Variants in CD58 observed in about 807,000 individuals in gnomAD.
The protein encoded by CD58 is CD58 molecule, also known as lymphocyte function-associated antigen 3.
In CD58, 14 loss-of-function variants were observed where a neutral mutation model predicts 27.6. That is an observed-to-expected ratio of 0.51 (90% CI 0.34 to 0.79). The LOEUF is 0.79. CD58 is among the 30% of genes least tolerant of loss of function. CD58 has a pLI of 0.02. For missense variants in CD58, 268 were observed against 301.7 expected, an observed-to-expected ratio of 0.89 and a Z score of 0.83; for synonymous variants, 117 against 103.8, an observed-to-expected ratio of 1.13 and a Z score of -0.77.
intron 3 of CD58, among the ~76,000 whole-genome samples, chr1:116,529,517 G>T (rs1657529766): frequency 6.6e-6 from 1 of 152,166 alleles, no homozygotes; most frequent in African/African-American, 2.4e-5. Context: ...TCCCAGTACA[G>T]TGGGGAAGAC....
At position 116,521,980 on chromosome 1, in the gene CD58, T is replaced by C; in HGVS notation, c.632A>G (p.His211Arg). 1.3e-6 allele frequency: 2 copies of C among 1,544,706 alleles called. No homozygotes were observed. The highest frequency in any genetic ancestry group is 1.8e-6 in the Non-Finnish European group (2 of 1,124,334). The change falls in exon 4 of 6, where the codon CAT becomes CGT. Residue 211 changes from histidine (H) to arginine (R), a missense_variant. By Grantham distance (29) the His-to-Arg change is conservative (BLOSUM62 0). Coordinates refer to ENST00000369489, the MANE Select transcript of CD58 (RefSeq NM_001779.3). The surrounding 1 kb of genome is among the most constrained non-coding windows in gnomAD (Gnocchi z 5.6). ...TATAAGTGCATATCTGTGTCTTGAA[T>C]GACCTATAAAAAAGAAAAGAAAAGA... ...ILTTCIPSSG[H>R]SRHRYALIPI... is the part of the protein sequence containing the mutation.
intron 1 of CD58, among the ~76,000 whole-genome samples, chr1:116,553,010 G>A (rs1658441598): frequency 6.6e-6 from 1 of 151,476 alleles, no homozygotes; most frequent in Non-Finnish European, 1.5e-5. Flanking sequence ...TTTTTTTTAT[G>A]TTTAATTTTT....
rs1472205731 is a variant in CD58 at position 116,570,633 on chromosome 1, G to A, written c.70+270C>T. ...CTCGGGAGGGGGCCGGCGGGGGGGC[G>A]CAGGCCCCGCAGGAGAGGCTAGCGG... On this transcript the variant is annotated intron_variant, in intron 1 of 5. Coordinates refer to ENST00000369489, the MANE Select transcript of CD58 (RefSeq NM_001779.3). This position sits in a 1 kb window ranked among gnomAD's most constrained non-coding sequence, Gnocchi z 6.4. 6.6e-6 allele frequency among the ~76,000 whole-genome samples: 1 copy of A among 152,030 alleles called. No homozygotes were observed. Among genetic ancestry groups the A allele is most frequent in the Non-Finnish European group, 1.5e-5 (1 of 67,974 alleles).
At chr1:116,543,615 C>G (rs1000426038) in intron 2 of CD58, among the ~76,000 whole-genome samples, 1 of 152,094 alleles carries the variant, frequency 6.6e-6, no homozygotes, top group Non-Finnish European at 1.5e-5. Context: ...TCCCCTCTCT[C>G]TAGTTTCAGT....
rs1374558088 is a variant in CD58 at position 116,550,300 on chromosome 1, A to G, written c.71-5696T>C. 6.6e-6 allele frequency among the ~76,000 whole-genome samples: 1 copy of G among 152,186 alleles called. No homozygotes were observed. The highest frequency in any genetic ancestry group is 6.5e-5 in the Admixed American group (1 of 15,288). On this transcript the variant is annotated intron_variant, in intron 1 of 5. Transcript: ENST00000369489. The surrounding 1 kb of genome is among the most constrained non-coding windows in gnomAD (Gnocchi z 4.2). ...AAAACTGCTTTCAAAATTAGAGTAAATTTTCTCAAATCCTGCTGCTGCTTT... is the reference window on the plus strand; with the variant it reads ...AAAACTGCTTTCAAAATTAGAGTAAGTTTTCTCAAATCCTGCTGCTGCTTT...
rs917083528 is a variant in CD58, at chr1:116,536,989, C to A, written c.365-761G>T. Among the ~76,000 whole-genome samples, 1 of 152,228 alleles carries A rather than the reference C, an allele frequency of 6.6e-6. No individual in the cohort carries two copies. The highest frequency in any genetic ancestry group is 2.4e-5 in the African/African-American group (1 of 41,458). ...TCCTGTGCTTGGCAGGACACAGTGGCTCATGGCTATACTCCCAGCACTTTG... is the reference window on the plus strand; with the variant it reads ...TCCTGTGCTTGGCAGGACACAGTGGATCATGGCTATACTCCCAGCACTTTG... On this transcript the variant is annotated intron_variant, in intron 2 of 5. Coordinates refer to ENST00000369489, the MANE Select transcript of CD58 (RefSeq NM_001779.3). The surrounding 1 kb of genome is among the most constrained non-coding windows in gnomAD (Gnocchi z 5.4).
intron 1 of CD58, among the ~76,000 whole-genome samples, chr1:116,561,259 C>T (rs1435747977): frequency 6.6e-6 from 1 of 152,126 alleles, no homozygotes; most frequent in South Asian, 2.1e-4. Context: ...AACAAAAAAA[C>T]ATAGCAACGA....
At position 116,532,908 on chromosome 1, in the gene CD58, C is replaced by A; in HGVS notation, c.628+3057G>T. ...GCTACAGGCCCGGAGTCGCGACAGC[C>A]GGTCTGCCAGGCGCCCACCTCCACT... On this transcript the variant is annotated intron_variant, in intron 3 of 5. Transcript: ENST00000369489. The surrounding 1 kb of genome is among the most constrained non-coding windows in gnomAD (Gnocchi z 5.1). 1 of 1,009,436 alleles carries A rather than the reference C, an allele frequency of 9.9e-7. No homozygotes were observed. The allele number at this position is 1,009,436 out of a possible 1,614,324, so 62.5% of individuals were successfully genotyped here. A position where few individuals can be genotyped will look rare whatever the true frequency, so the allele number is the denominator to read the frequency against.
intron 1 of CD58, among the ~76,000 whole-genome samples, chr1:116,564,684 A>G (rs1186650698): frequency 6.6e-6 from 1 of 152,208 alleles, no homozygotes; most frequent in Non-Finnish European, 1.5e-5. Context: ...ACTATCTGAG[A>G]ACAGTATGGG....
At position 116,570,081 on chromosome 1, in the gene CD58, G is replaced by A. The variant is rs1343174151; in HGVS notation, c.70+822C>T. Among the ~76,000 whole-genome samples the A allele has an allele frequency of 1.3e-5, 2 of 152,230 alleles. No individual in the cohort carries two copies. Among genetic ancestry groups the A allele is most frequent in the Non-Finnish European group, 2.9e-5 (2 of 68,044 alleles). On this transcript the variant is annotated intron_variant, in intron 1 of 5. Transcript: ENST00000369489. This position sits in a 1 kb window ranked among gnomAD's most constrained non-coding sequence, Gnocchi z 6.4. Reference sequence around the variant, plus strand: ...AGTGGGGTGCAGGAGCCAGCCATGAGAACCCCTCAAGTACAGTTGAACTCG... The same window carrying A: ...AGTGGGGTGCAGGAGCCAGCCATGAAAACCCCTCAAGTACAGTTGAACTCG...
Position 116,546,334 on chromosome 1 carries a change from T to C in CD58, c.71-1730A>G, listed in dbSNP as rs180990452. ...AGACAACTGTGTTAGTAATTTCAGA[T>C]AAGAAGCAAATATCACCCATTTGTT... On this transcript the variant is annotated intron_variant, in intron 1 of 5. Coordinates refer to ENST00000369489, the MANE Select transcript of CD58 (RefSeq NM_001779.3). This position sits in a 1 kb window ranked among gnomAD's most constrained non-coding sequence, Gnocchi z 4.1. Among the ~76,000 whole-genome samples the C allele has an allele frequency of 5.4e-4, 83 of 152,344 alleles. No individual in the cohort carries two copies. The highest frequency in any genetic ancestry group is 1.6e-3 in the Admixed American group (25 of 15,308).
In CD58 at chr1:116,524,319, C is replaced by A. The variant is rs1657362073; in HGVS notation, c.629-2336G>T. 6.6e-6 allele frequency among the ~76,000 whole-genome samples: 1 copy of A among 152,152 alleles called. No homozygotes were observed. The highest frequency in any genetic ancestry group is 1.5e-5 in the Non-Finnish European group (1 of 68,024). ...GGGTGCTGAAACTGGGAAGTCTGGG[C>A]ACACCAGGTAACACTGGTCACTCAA... On this transcript the variant is annotated intron_variant, in intron 3 of 5. Transcript: ENST00000369489. This position sits in a 1 kb window ranked among gnomAD's most constrained non-coding sequence, Gnocchi z 4.6.
At chr1:116,555,465 GA>G (rs768101032) in intron 1 of CD58, among the ~76,000 whole-genome samples, 1 of 152,156 alleles carries the variant, frequency 6.6e-6, no homozygotes, top group Non-Finnish European at 1.5e-5. Context: ...AGCAAAGAGA[GA>G]TGGAGGGAGG....
At chr1:116,558,488 A>G (rs1658653049) in intron 1 of CD58, among the ~76,000 whole-genome samples, 1 of 152,214 alleles carries the variant, frequency 6.6e-6, no homozygotes, top group Non-Finnish European at 1.5e-5. Flanking sequence ...CTACACACCC[A>G]TATATGCATT....
rs9970964 is a variant in CD58, at chr1:116,549,054, C to T, written c.71-4450G>A. Among the ~76,000 whole-genome samples, 453 of 152,322 alleles carry T rather than the reference C, an allele frequency of 3.0e-3. 2 individuals are homozygous for T. Among genetic ancestry groups the T allele is most frequent in the African/African-American group, 0.01 (435 of 41,560 alleles). On this transcript the variant is annotated intron_variant, in intron 1 of 5. Transcript: ENST00000369489. Reference sequence around the variant, plus strand: ...CTCCTTGGTCAGTGCCCTTTCAGAACAGCGTGGTCCCACATTCAGGATGGG... The same window carrying T: ...CTCCTTGGTCAGTGCCCTTTCAGAATAGCGTGGTCCCACATTCAGGATGGG...
rs1657076376 is a variant in CD58 at position 116,516,069 on chromosome 1, G to T, written c.744-1247C>A. Among the ~76,000 whole-genome samples, 1 of 151,724 alleles carries T rather than the reference G, an allele frequency of 6.6e-6. No homozygotes were observed. The highest frequency in any genetic ancestry group is 2.4e-5 in the African/African-American group (1 of 41,256). On this transcript the variant is annotated intron_variant, in intron 5 of 5. Transcript: ENST00000369489. This position sits in a 1 kb window ranked among gnomAD's most constrained non-coding sequence, Gnocchi z 6.1. ...TTTAATTTAACTTAATTTTTTTGAT[G>T]CCCAGGCTGGTCTCTTAACTCCTGG...
rs976542403 is a variant in CD58 at position 116,546,648 on chromosome 1, G to A, written c.71-2044C>T. Reference sequence around the variant, plus strand: ...ATAAACTGCCATACCCTGGCGGCATGAAGATGTCTTTTGTCTTTCCCAGGG... The same window carrying A: ...ATAAACTGCCATACCCTGGCGGCATAAAGATGTCTTTTGTCTTTCCCAGGG... On this transcript the variant is annotated intron_variant, in intron 1 of 5. Transcript: ENST00000369489. The surrounding 1 kb of genome is among the most constrained non-coding windows in gnomAD (Gnocchi z 4.1). Among the ~76,000 whole-genome samples, 3 of 152,222 alleles carry A rather than the reference G, an allele frequency of 2.0e-5. No homozygotes were observed. Among genetic ancestry groups the A allele is most frequent in the African/African-American group, 7.2e-5 (3 of 41,450 alleles).
chr1:116,554,003 T>C (rs949943272), intron 1 of CD58, among the ~76,000 whole-genome samples: 1 of 152,164 alleles, frequency 6.6e-6, no homozygotes, highest in Non-Finnish European at 1.5e-5. Flanking sequence ...AGGAAAAAGA[T>C]GGAAGAAAAT....
At chr1:116,542,291 G>A (rs539094522) in intron 2 of CD58, among the ~76,000 whole-genome samples, 3 of 152,266 alleles carry the variant, frequency 2.0e-5, no homozygotes, top group South Asian at 2.1e-4. Context: ...GGAAAAAAGA[G>A]AAAGAAACAT....
Sources: gnomAD v4.1 joint callset for allele counts (sites outside exome capture counted in the v4.1 genomes callset) on GRCh38, gnomAD v4.1.1 for gene constraint, Gnocchi (gnomAD v3.1) non-coding constraint, MANE v1.5 for transcripts, NCBI Gene and HGNC (gene_info 2026-07-23, HGNC 2026-07-21) for gene names.